CCPG1: variants seen among roughly 807,000 people sequenced by gnomAD.
The protein encoded by CCPG1 is cell cycle progression 1.
CCPG1 carries 46 observed loss-of-function variants against 81.3 expected under a neutral mutation model. That is an observed-to-expected ratio of 0.57 (90% confidence interval 0.45 to 0.72). CCPG1 has a LOEUF of 0.72. Among genes scored for constraint, CCPG1 ranks in the 30% least tolerant of loss-of-function variants. The probability of loss-of-function intolerance (pLI) is 0.00; values close to 1 mark genes in which losing one functional copy is unlikely to be tolerated. For synonymous variants in CCPG1, 330 were observed against 305.2 expected, an observed-to-expected ratio of 1.08 and a Z score of -0.85; for missense variants, 902 against 937.6, an observed-to-expected ratio of 0.96 and a Z score of 0.50.
intron 5 of CCPG1, chr15:55,374,271 A>C (rs1345905265): frequency 1.7e-6 from 2 of 1,202,646 alleles, no homozygotes; most frequent in East Asian, 1.1e-4. Context: ...TAAACAGGAA[A>C]AAAAGAGGCA....
At chr15:55,368,572 T>C (rs555188793) in intron 6 of CCPG1, among the ~76,000 whole-genome samples, 4 of 152,320 alleles carry the variant, frequency 2.6e-5, no homozygotes, top group East Asian at 1.9e-4. Context: ...TTGAACTCCA[T>C]TGATGATTTG....
intron 8 of CCPG1, chr15:55,359,254 C>G (rs1024054304): frequency 1.8e-6 from 2 of 1,087,608 alleles, no homozygotes; most frequent in African/African-American, 1.6e-5. Flanking sequence ...TGAAAAGAAA[C>G]AAACTTGGCC....
intron 1 of CCPG1, among the ~76,000 whole-genome samples, chr15:55,397,227 C>A (rs200023950): frequency 0.19 from 27,162 of 145,952 alleles, 4,131 homozygotes; most frequent in African/African-American, 0.43. Context: ...AAAAAACAAA[C>A]AAAAAAAAAA....
Position 55,377,042 on chromosome 15 carries a change from C to T in CCPG1, c.361G>A (p.Glu121Lys). ...TGTGCTTCTTCAACAATGACAACTT[C>T]TTGATTTCCAATTTCTTCTAACTTA... is the stretch of plus-strand genomic sequence containing the variant. The part of the protein sequence containing the change: ...PPKLEEIGNQ[E>K]VVIVEEAQSS... Residue 121 changes from glutamate (E) to lysine (K), a missense_variant, in exon 5 of 9, where the codon GAA becomes AAA. Around this residue, in one of 3 missense-constraint regions of CCPG1, gnomAD observed 746 missense variants for 728.6 expected, o/e 1.02. Coordinates refer to ENST00000442196, the MANE Select transcript of CCPG1 (RefSeq NM_001204450.2). The T allele has an allele frequency of 1.2e-6, 2 of 1,613,858 alleles. No individual in the cohort carries two copies. The highest frequency in any genetic ancestry group is 1.7e-6 in the Non-Finnish European group (2 of 1,179,846).
chr15:55,356,792 A>G (rs1226924033), intron 8 of CCPG1: 5 of 994,294 alleles, frequency 5.0e-6, no homozygotes, highest in East Asian at 1.1e-4. Flanking sequence ...AAAGCAAAAC[A>G]AAAGTCTCAA....
chr15:55,365,266 T>C lies in CCPG1; in HGVS notation c.750A>G (p.Ile250Met). Residue 250 changes from isoleucine to methionine, a missense_variant, in exon 7 of 9, where the codon ATA becomes ATG. By Grantham distance (10) the Ile-to-Met change is conservative. This residue lies in a region of CCPG1 where 746 missense variants were observed against 728.6 expected (regional missense o/e 1.02). Coordinates refer to ENST00000442196, the MANE Select transcript of CCPG1 (RefSeq NM_001204450.2). ...IQKRQQLVRK[I>M]HEDELNDMKD... is the part of the protein sequence containing the mutation. Reference sequence around the variant, plus strand: ...TCATATCATTCAATTCATCTTCATGTATCTTTCTGACTAACTGTTGACGCT... The same window carrying C: ...TCATATCATTCAATTCATCTTCATGCATCTTTCTGACTAACTGTTGACGCT... The C allele has an allele frequency of 6.5e-7, 1 of 1,547,032 alleles. No homozygotes were observed. Among genetic ancestry groups the C allele is most frequent in the Non-Finnish European group, 8.9e-7 (1 of 1,126,668 alleles).
intron 1 of CCPG1, among the ~76,000 whole-genome samples, chr15:55,401,437 C>A (rs375775174): frequency 6.6e-6 from 1 of 152,126 alleles, no homozygotes; most frequent in Non-Finnish European, 1.5e-5. Flanking sequence ...GAGGCCGAGG[C>A]GGGTGAATCA....
At chr15:55,359,453 A>C in intron 8 of CCPG1, 86 bp downstream of exon 8, 2 of 1,503,706 alleles carry the variant, frequency 1.3e-6, no homozygotes, top group African/African-American at 1.4e-5. Context: ...CGGTAACCTT[A>C]CAAGAAACTC....
chr15:55,374,785 C>T (rs996518782), intron 5 of CCPG1, among the ~76,000 whole-genome samples: 4 of 152,112 alleles, frequency 2.6e-5, no homozygotes, highest in South Asian at 4.1e-4. Context: ...CCTGCGCTAC[C>T]ACAGGCAGCT....
At chr15:55,394,856 G>A (rs752888218) in intron 1 of CCPG1, among the ~76,000 whole-genome samples, 2 of 151,622 alleles carry the variant, frequency 1.3e-5, no homozygotes, top group Non-Finnish European at 2.9e-5. Context: ...TGAGAAGCCA[G>A]AGCCTGCATG....
chr15:55,386,703 G>C (rs1407345071), intron 2 of CCPG1, among the ~76,000 whole-genome samples: 1 of 151,860 alleles, frequency 6.6e-6, no homozygotes, highest in Non-Finnish European at 1.5e-5. Flanking sequence ...GACCATCCTG[G>C]CTAACACGGT....
At chr15:55,402,409 G>C (rs1468828513) in intron 1 of CCPG1, among the ~76,000 whole-genome samples, 1 of 152,080 alleles carries the variant, frequency 6.6e-6, no homozygotes, top group Non-Finnish European at 1.5e-5. Context: ...TGTATTTTTA[G>C]TAGAGACGGG....
At chr15:55,398,964 C>T (rs1038680464) in intron 1 of CCPG1, among the ~76,000 whole-genome samples, 1 of 152,164 alleles carries the variant, frequency 6.6e-6, no homozygotes, top group Non-Finnish European at 1.5e-5. Flanking sequence ...GAACATGAAA[C>T]TGCATTCATT....
chr15:55,360,501 T>C lies in CCPG1; in HGVS notation c.1272A>G (p.Ile424Met). The change falls in exon 8 of 9, where the codon ATA becomes ATG. Residue 424 changes from isoleucine to methionine, a missense_variant. Physicochemically the swap from Ile to Met is conservative, Grantham distance 10. Coordinates refer to ENST00000442196, the MANE Select transcript of CCPG1 (RefSeq NM_001204450.2). ...SPNVYTEKKE[I>M]AILRERLTEL... ...CAGTGAGTCTTTCCCGTAAGATTGC[T>C]ATTTCCTTTTTTTCAGTATATACAT... The C allele has an allele frequency of 6.2e-7, 1 of 1,614,166 alleles. No individual in the cohort carries two copies. Among genetic ancestry groups the C allele is most frequent in the African/African-American group, 1.3e-5 (1 of 75,052 alleles).
chr15:55,373,684 C>T (rs2076012862), intron 5 of CCPG1, among the ~76,000 whole-genome samples: 1 of 152,134 alleles, frequency 6.6e-6, no homozygotes, highest in African/African-American at 2.4e-5. Flanking sequence ...AAGACTTAAA[C>T]AAAGCATTAC....
At position 55,360,270 on chromosome 15, in the gene CCPG1, C is replaced by G; in HGVS notation, c.1503G>C (p.Lys501Asn). Residue 501 changes from lysine to asparagine, a missense_variant, in exon 8 of 9, where the codon AAG becomes AAC. Lys to Asn is a moderately conservative substitution (Grantham distance 94). This residue lies in a region of CCPG1 where 746 missense variants were observed against 728.6 expected (regional missense o/e 1.02). Coordinates refer to ENST00000442196, the MANE Select transcript of CCPG1 (RefSeq NM_001204450.2). ...ETFDAMKNST[K>N]EFVRHHKEKI... ...TCTCTTTATGATGCCTTACAAACTC[C>G]TTGGTAGAATTCTTCATGGCATCAA... The G allele has an allele frequency of 1.9e-6, 3 of 1,614,002 alleles. No homozygotes were observed. Among genetic ancestry groups the G allele is most frequent in the Non-Finnish European group, 1.7e-6 (2 of 1,180,014 alleles).
At chr15:55,358,948 TG>T in intron 8 of CCPG1, 3 of 974,670 alleles carry the variant, frequency 3.1e-6, no homozygotes, top group Non-Finnish European at 3.7e-6. Context: ...AATATAAAGA[TG>T]AAAATGGATA....
chr15:55,396,491 A>T (rs1249111372), intron 1 of CCPG1, among the ~76,000 whole-genome samples: 2 of 152,200 alleles, frequency 1.3e-5, no homozygotes, highest in African/African-American at 4.8e-5. Context: ...TTTAACACAC[A>T]ACAGCTACAA....
At position 55,360,553 on chromosome 15, in the gene CCPG1, T is replaced by C; in HGVS notation, c.1220A>G (p.Gln407Arg). ...RGELQQLSGS[Q>R]LHGKSDSPNV... is the part of the protein sequence containing the mutation. Reference sequence around the variant, plus strand: ...GGGAGAATCTGACTTGCCATGTAACTGACTACCACTTAACTGCTGGAGTTC... The same window carrying C: ...GGGAGAATCTGACTTGCCATGTAACCGACTACCACTTAACTGCTGGAGTTC... Residue 407 changes from glutamine (Q) to arginine (R), a missense_variant, in exon 8 of 9, where the codon CAG becomes CGG. Around this residue, in one of 3 missense-constraint regions of CCPG1, gnomAD observed 746 missense variants for 728.6 expected, o/e 1.02. Coordinates refer to ENST00000442196, the MANE Select transcript of CCPG1 (RefSeq NM_001204450.2). The C allele has an allele frequency of 6.2e-7, 1 of 1,614,174 alleles. No homozygotes were observed. Among genetic ancestry groups the C allele is most frequent in the Non-Finnish European group, 8.5e-7 (1 of 1,180,026 alleles).
Sources: gnomAD v4.1 joint callset for allele counts (sites outside exome capture counted in the v4.1 genomes callset) on GRCh38, gnomAD v4.1.1 for gene constraint, gnomAD v4.1.1 regional missense constraint, MANE v1.5 for transcripts, NCBI Gene and HGNC (gene_info 2026-07-23, HGNC 2026-07-21) for gene names.